ABTB3: variants seen among roughly 807,000 people sequenced by gnomAD.
ABTB3 encodes ankyrin repeat and BTB domain containing 3.
At chr12:107,338,929 C>G in the ABTB3 span, among the ~76,000 whole-genome samples, 2 of 152,188 alleles carry the variant, frequency 1.3e-5, no homozygotes, top group East Asian at 3.8e-4. Context: ...CGGGCTCAAG[C>G]CATCCTCTTG....
the ABTB3 span, among the ~76,000 whole-genome samples, chr12:107,582,343 T>A: frequency 6.6e-6 from 1 of 152,206 alleles, no homozygotes; most frequent in Admixed American, 6.5e-5. Flanking sequence ...GTAAGGAAAC[T>A]GAGGCACAGA....
At chr12:107,590,231 T>C in the ABTB3 span, among the ~76,000 whole-genome samples, 2 of 152,144 alleles carry the variant, frequency 1.3e-5, no homozygotes, top group East Asian at 1.9e-4. Flanking sequence ...CTAATTTAGA[T>C]GCAAAAAGGC....
chr12:107,346,676 A>T, the ABTB3 span, among the ~76,000 whole-genome samples: 3 of 152,096 alleles, frequency 2.0e-5, no homozygotes, highest in African/African-American at 7.2e-5. Flanking sequence ...AGCCAGGATG[A>T]TCTCAATCTC....
the ABTB3 span, chr12:107,619,992 C>T: frequency 6.8e-6 from 11 of 1,611,672 alleles, no homozygotes; most frequent in African/African-American, 2.7e-5. Flanking sequence ...CCAGGCGTCC[C>T]GTGGACTCTG....
the ABTB3 span, among the ~76,000 whole-genome samples, chr12:107,594,808 A>C: frequency 2.0e-5 from 3 of 152,154 alleles, no homozygotes; most frequent in East Asian, 5.8e-4. Context: ...TGCTTACAAA[A>C]TCCTGTAATG....
the ABTB3 span, among the ~76,000 whole-genome samples, chr12:107,466,929 A>G: frequency 2.0e-5 from 3 of 152,274 alleles, no homozygotes; most frequent in South Asian, 6.2e-4. Context: ...AAGGCACAGC[A>G]TGTTCACCAT....
At chr12:107,554,590 A>C in the ABTB3 span, among the ~76,000 whole-genome samples, 2 of 152,200 alleles carry the variant, frequency 1.3e-5, no homozygotes, top group Admixed American at 6.5e-5. Context: ...AGCCGTTACT[A>C]TTCTCACTGT....
chr12:107,419,203 A>G, the ABTB3 span, among the ~76,000 whole-genome samples: 1 of 152,226 alleles, frequency 6.6e-6, no homozygotes, highest in Admixed American at 6.5e-5. Flanking sequence ...AGCTGGGTGG[A>G]ATGAGGCCCA....
chr12:107,520,713 A>AT, the ABTB3 span: 5 of 1,564,648 alleles, frequency 3.2e-6, no homozygotes, highest in South Asian at 1.2e-5. Context: ...CAATGTCCTC[A>AT]TGCCAACCCC....
the ABTB3 span, among the ~76,000 whole-genome samples, chr12:107,322,279 G>A: frequency 6.6e-6 from 1 of 152,128 alleles, no homozygotes; most frequent in Non-Finnish European, 1.5e-5. Flanking sequence ...ACACCACAGC[G>A]CTTAACTCTT....
the ABTB3 span, among the ~76,000 whole-genome samples, chr12:107,472,968 A>G: frequency 1.3e-5 from 2 of 152,138 alleles, no homozygotes; most frequent in African/African-American, 2.4e-5. Flanking sequence ...CAGAAGCTGT[A>G]CCATTCCAGT....
At chr12:107,492,229 C>T in the ABTB3 span, among the ~76,000 whole-genome samples, 1 of 152,116 alleles carries the variant, frequency 6.6e-6, no homozygotes, top group African/African-American at 2.4e-5. Flanking sequence ...CCCGCCCACC[C>T]GGTCCCGGGC....
the ABTB3 span, among the ~76,000 whole-genome samples, chr12:107,371,646 GT>G: frequency 6.6e-6 from 1 of 152,100 alleles, no homozygotes; most frequent in Admixed American, 6.6e-5. Flanking sequence ...ATGAAATTGA[GT>G]TTTTTACTCC....
chr12:107,379,485 G>A, the ABTB3 span, among the ~76,000 whole-genome samples: 2 of 152,262 alleles, frequency 1.3e-5, no homozygotes, highest in East Asian at 3.9e-4. Flanking sequence ...TGTAAGACGT[G>A]CCTTTGCTCC....
At chr12:107,550,008 G>A in the ABTB3 span, among the ~76,000 whole-genome samples, 1 of 152,164 alleles carries the variant, frequency 6.6e-6, no homozygotes, top group Non-Finnish European at 1.5e-5. Context: ...ATAAGTTCCT[G>A]ATGACTGGGC....
the ABTB3 span, among the ~76,000 whole-genome samples, chr12:107,642,934 A>C: frequency 6.6e-6 from 1 of 152,052 alleles, no homozygotes; most frequent in South Asian, 2.1e-4. Flanking sequence ...TGATTCATAA[A>C]TCCTGCTCTG....
the ABTB3 span, chr12:107,319,522 C>G: frequency 1.9e-6 from 3 of 1,565,380 alleles, no homozygotes; most frequent in Non-Finnish European, 2.6e-6. Flanking sequence ...TGAGCAGCGC[C>G]GGCGGCGACC....
chr12:107,377,259 A>G, the ABTB3 span, among the ~76,000 whole-genome samples: 1 of 152,158 alleles, frequency 6.6e-6, no homozygotes, highest in African/African-American at 2.4e-5. Flanking sequence ...GCATCATCCT[A>G]GCTTGCTAAC....
the ABTB3 span, among the ~76,000 whole-genome samples, chr12:107,402,837 A>G: frequency 6.6e-6 from 1 of 152,120 alleles, no homozygotes. Context: ...TTGCAGCTCT[A>G]TGACTGGCCC....
Sources: allele counts gnomAD v4.1 joint callset (sites outside exome capture counted in the v4.1 genomes callset), GRCh38; gene constraint gnomAD v4.1.1; transcripts MANE v1.5; gene names NCBI Gene and HGNC (gene_info 2026-07-23, HGNC 2026-07-21).